The following RNF38 variants were observed in gnomAD, a reference collection of about 807,000 sequenced individuals.
RNF38 encodes the protein ring finger protein 38.
A neutral mutation model predicts 67.2 loss-of-function variants in RNF38; 15 were observed. That is an observed-to-expected ratio of 0.22 (90% CI 0.15 to 0.34). RNF38 has a LOEUF of 0.34. Among genes scored for constraint, RNF38 ranks in the 10% least tolerant of loss-of-function variants. The pLI is 1.00. For missense variants in RNF38, 524 were observed against 639.9 expected (o/e 0.82, Z 1.95); for synonymous variants, 220 against 218.8 (o/e 1.01, Z -0.05).
At chr9:36,383,059 G>T (rs1056417789) in intron 2 of RNF38, among the ~76,000 whole-genome samples, 1 of 152,120 alleles carries the variant, frequency 6.6e-6, no homozygotes, top group Non-Finnish European at 1.5e-5. Flanking sequence ...GCAGAAGATG[G>T]ATATAAGCTG....
intron 4 of RNF38, among the ~76,000 whole-genome samples, chr9:36,361,868 C>T (rs1834563010): frequency 6.6e-6 from 1 of 152,106 alleles, no homozygotes; most frequent in Admixed American, 6.5e-5. Context: ...GTTAAACTCA[C>T]CTCCTGCCAC....
At chr9:36,339,910 ATTCT>A in intron 11 of RNF38, 96 bp from the exon 12 acceptor site, 3 of 1,085,628 alleles carry the variant, frequency 2.8e-6, no homozygotes, top group South Asian at 2.7e-5. Flanking sequence ...CAGTTTTTAC[ATTCT>A]TTCTTCCTCT....
At chr9:36,341,225 T>C (rs1327064403) in intron 11 of RNF38, among the ~76,000 whole-genome samples, 2 of 152,176 alleles carry the variant, frequency 1.3e-5, no homozygotes, top group East Asian at 1.9e-4. Context: ...ACGGAACTTG[T>C]GGTTTTCTGA....
chr9:36,396,376 T>C (rs935554500), intron 1 of RNF38, among the ~76,000 whole-genome samples: 10 of 152,288 alleles, frequency 6.6e-5, no homozygotes, highest in Admixed American at 3.9e-4. Flanking sequence ...GAATAAATCA[T>C]TGAGCTACTG....
At chr9:36,487,662 T>C, upstream of RNF38, 1 of 735,416 alleles carries the variant, frequency 1.4e-6, no homozygotes, top group Non-Finnish European at 1.6e-6. Context: ...CGGAGGCGGC[T>C]CCCGAAGGGG....
chr9:36,402,734 TC>T (rs1485892420), upstream of RNF38, among the ~76,000 whole-genome samples: 2 of 152,172 alleles, frequency 1.3e-5, no homozygotes, highest in Non-Finnish European at 2.9e-5. Context: ...CTTCAGCAAA[TC>T]CCTCTGAGCT....
intron 1 of RNF38, among the ~76,000 whole-genome samples, chr9:36,464,182 C>CA (rs1357764638): frequency 6.7e-6 from 1 of 149,884 alleles, no homozygotes; most frequent in African/African-American, 2.5e-5. Context: ...AACAAACAAA[C>CA]AAAAAACCAC....
At chr9:36,464,332 G>GAT (rs1839809586) in intron 1 of RNF38, among the ~76,000 whole-genome samples, 1 of 152,016 alleles carries the variant, frequency 6.6e-6, no homozygotes, top group African/African-American at 2.4e-5. Flanking sequence ...ACTTTAGGAG[G>GAT]CCAAGGCAGG....
At chr9:36,396,921 T>A (rs1837550032) in intron 1 of RNF38, among the ~76,000 whole-genome samples, 1 of 151,408 alleles carries the variant, frequency 6.6e-6, no homozygotes, top group African/African-American at 2.4e-5. Flanking sequence ...CTTCAACAGT[T>A]CTCATACACA....
intron 4 of RNF38, among the ~76,000 whole-genome samples, chr9:36,367,363 C>T (rs1587522599): frequency 6.6e-6 from 1 of 152,216 alleles, no homozygotes; most frequent in Non-Finnish European, 1.5e-5. Flanking sequence ...AAAGTCCTTC[C>T]TTTTTACACT....
intron 4 of RNF38, among the ~76,000 whole-genome samples, chr9:36,368,538 T>C (rs1835141186): frequency 1.3e-5 from 2 of 152,216 alleles, no homozygotes; most frequent in Admixed American, 6.5e-5. Context: ...ATTTTGCTTT[T>C]CTTGCTCAAG....
intron 1 of RNF38, among the ~76,000 whole-genome samples, chr9:36,445,516 T>C (rs1029415386): frequency 2.6e-5 from 4 of 152,226 alleles, no homozygotes; most frequent in African/African-American, 9.6e-5. Context: ...TCACCATATG[T>C]ATGAAAGCAA....
intron 2 of RNF38, among the ~76,000 whole-genome samples, chr9:36,383,264 C>T (rs1226501823): frequency 3.3e-5 from 5 of 152,078 alleles, no homozygotes; most frequent in Non-Finnish European, 7.4e-5. Flanking sequence ...TGCAGTGGCG[C>T]GATCTCAGCT....
At chr9:36,400,828 C>G (rs1837964985), upstream of RNF38, 4 of 985,238 alleles carry the variant, frequency 4.1e-6, no homozygotes, top group East Asian at 1.1e-4. Flanking sequence ...TCTCCGCCCC[C>G]ACGCCCCAAC....
chr9:36,352,478 T>TA, intron 8 of RNF38, among the ~76,000 whole-genome samples: 1 of 152,292 alleles, frequency 6.6e-6, no homozygotes, highest in Middle Eastern at 3.4e-3. Flanking sequence ...TTATCAGTTG[T>TA]AAAAGAGGCA....
intron 9 of RNF38, 126 bp from the exon 10 acceptor site, chr9:36,345,079 T>G (rs2133376178): frequency 4.1e-6 from 4 of 966,738 alleles, no homozygotes; most frequent in Non-Finnish European, 5.9e-6. Flanking sequence ...TTCACAGGCA[T>G]GATCATTGTG....
rs751189098 is a variant in RNF38, at chr9:36,351,329, CAT to C, written c.1179-132_1179-131del. On this transcript the variant is annotated intron_variant, in intron 8 of 11. Transcript: ENST00000259605. Reference sequence around the variant, plus strand: ...TGTTAATCTGACAAATTTAACAAAACATATGCAAGAACTGTACAATAAAAACT... The same window carrying C: ...TGTTAATCTGACAAATTTAACAAAACATGCAAGAACTGTACAATAAAAACT... The C allele has an allele frequency of 6.7e-6, 4 of 596,738 alleles. No individual in the cohort carries two copies. In the East Asian group the frequency reaches 1.2e-4, roughly 18 times the overall value. The allele number at this position is 596,738 out of a possible 1,614,324, so 37.0% of individuals were successfully genotyped here. A position where few individuals can be genotyped will look rare whatever the true frequency, so the allele number is the denominator to read the frequency against.
chr9:36,432,204 G>A (rs893962253), intron 1 of RNF38, among the ~76,000 whole-genome samples: 11 of 151,548 alleles, frequency 7.3e-5, no homozygotes, highest in Admixed American at 1.3e-4. Flanking sequence ...GCACGATCTC[G>A]TCTTACTGCA....
chr9:36,390,677 G>A (rs1204934866), intron 1 of RNF38, 61 bp from the exon 2 acceptor site: 23 of 1,514,898 alleles, frequency 1.5e-5, no homozygotes, highest in South Asian at 3.6e-5. Context: ...GGAGAATCAC[G>A]CCTATGAAGG....
Sources: allele counts gnomAD v4.1 joint callset (sites outside exome capture counted in the v4.1 genomes callset), GRCh38; gene constraint gnomAD v4.1.1; transcripts MANE v1.5; gene names NCBI Gene and HGNC (gene_info 2026-07-23, HGNC 2026-07-21).